BNC2: variants seen among roughly 807,000 people sequenced by gnomAD.
BNC2 encodes basonuclin zinc finger protein 2.
In BNC2, 20 loss-of-function variants were observed where a neutral mutation model predicts 76.3. That is an observed-to-expected ratio of 0.26 (90% CI 0.18 to 0.38). The LOEUF is 0.38. BNC2 is among the 10% of genes least tolerant of loss of function. BNC2 has a pLI of 1.00. For synonymous variants in BNC2, 582 were observed against 514.8 expected (o/e 1.13, Z -1.77); for missense variants, 1,382 against 1,399.8 (o/e 0.99, Z 0.20).
At chr9:16,629,001 G>A (rs1395929500) in intron 3 of BNC2, among the ~76,000 whole-genome samples, 2 of 152,068 alleles carry the variant, frequency 1.3e-5, no homozygotes, top group African/African-American at 2.4e-5. Flanking sequence ...TCTCAGGCTT[G>A]TTCTGCAAAA....
intron 1 of BNC2, among the ~76,000 whole-genome samples, chr9:16,781,396 G>A (rs1023953788): frequency 6.6e-6 from 1 of 152,220 alleles, no homozygotes; most frequent in African/African-American, 2.4e-5. Flanking sequence ...AGGCTGGAGT[G>A]CAGTGGCGCA....
At chr9:16,829,712 A>G (rs1818537083) in intron 1 of BNC2, among the ~76,000 whole-genome samples, 1 of 152,216 alleles carries the variant, frequency 6.6e-6, no homozygotes, top group African/African-American at 2.4e-5. Context: ...ATATTTGCTG[A>G]TCAAAATATT....
At chr9:16,796,355 A>C (rs151318738) in intron 1 of BNC2, among the ~76,000 whole-genome samples, 1 of 152,236 alleles carries the variant, frequency 6.6e-6, no homozygotes, top group Non-Finnish European at 1.5e-5. Context: ...ATGTCTTCTA[A>C]CTTAAAGCCC....
intron 1 of BNC2, among the ~76,000 whole-genome samples, chr9:16,781,407 A>G (rs1289244524): frequency 9.9e-5 from 15 of 152,138 alleles, no homozygotes; most frequent in East Asian, 1.9e-4. Flanking sequence ...CAGTGGCGCA[A>G]TCGTGGCTCA....
At position 16,415,373 on chromosome 9, in the gene BNC2, T is replaced by C. The variant is rs1820563998; in HGVS notation, c.*3616A>G. 1 of 152,632 alleles carries C rather than the reference T, an allele frequency of 6.6e-6. No homozygotes were observed. The highest frequency in any genetic ancestry group is 2.4e-5 in the African/African-American group (1 of 41,434). The allele number at this position is 152,632 out of a possible 1,614,324, so 9.5% of individuals were successfully genotyped here. A position where few individuals can be genotyped will look rare whatever the true frequency, so the allele number is the denominator to read the frequency against. On this transcript the variant is annotated 3_prime_UTR_variant, in exon 7 of 7. Transcript: ENST00000380672. ...GATCAAGACAGTACAAGTTTCAACA[T>C]CAGCTAGAGAACATGCACAGTCATA...
At chr9:16,870,149 C>T (rs962835273) in intron 1 of BNC2, among the ~76,000 whole-genome samples, 4 of 151,608 alleles carry the variant, frequency 2.6e-5, no homozygotes, top group African/African-American at 9.7e-5. Context: ...GGCGGCTGCG[C>T]CCCAGCGCAC....
At chr9:16,485,097 CAG>C (rs374851796) in intron 5 of BNC2, among the ~76,000 whole-genome samples, 8 of 118,510 alleles carry the variant, frequency 6.8e-5, no homozygotes, top group Non-Finnish European at 1.1e-4. Context: ...CACACACACA[CAG>C]AGACACACAC....
At chr9:16,793,860 G>GTTTTTTTTTT (rs377349585) in intron 1 of BNC2, among the ~76,000 whole-genome samples, 12 of 97,348 alleles carry the variant, frequency 1.2e-4, no homozygotes, top group Non-Finnish European at 1.7e-4. Context: ...TGTGGTTTTT[G>GTTTTTTTTTT]TTTTTTTGTT....
chr9:16,631,710 G>A (rs978901995), intron 3 of BNC2, among the ~76,000 whole-genome samples: 3 of 152,120 alleles, frequency 2.0e-5, no homozygotes, highest in Non-Finnish European at 4.4e-5. Context: ...AAAGCATCTT[G>A]ACATAAAAAC....
chr9:16,793,648 CTTTTTTTTTTTTTTTTT>C (rs71327860), intron 1 of BNC2, among the ~76,000 whole-genome samples: 1 of 55,778 alleles, frequency 1.8e-5, no homozygotes, highest in Non-Finnish European at 3.7e-5. Context: ...CCTTCCACAT[CTTTTTTTTTTTTTTTTT>C]TTTTTTTTTT....
intron 3 of BNC2, among the ~76,000 whole-genome samples, chr9:16,666,996 C>A (rs1312200689): frequency 6.6e-6 from 1 of 151,392 alleles, no homozygotes; most frequent in Admixed American, 6.6e-5. Context: ...AAATTTAAAA[C>A]CAATAAAGAA....
At chr9:16,437,990 A>C (rs1372914987) in intron 5 of BNC2, among the ~76,000 whole-genome samples, 2 of 152,358 alleles carry the variant, frequency 1.3e-5, no homozygotes, top group East Asian at 3.9e-4. Flanking sequence ...CTTCAACATA[A>C]GCAGACATGA....
At chr9:16,450,073 A>G (rs969092376) in intron 5 of BNC2, among the ~76,000 whole-genome samples, 4 of 152,216 alleles carry the variant, frequency 2.6e-5, no homozygotes, top group African/African-American at 9.7e-5. Context: ...AGAACAGATA[A>G]TGTAATAAAG....
intron 3 of BNC2, among the ~76,000 whole-genome samples, chr9:16,644,085 C>T (rs1262599114): frequency 1.3e-5 from 2 of 152,118 alleles, no homozygotes; most frequent in African/African-American, 4.8e-5. Flanking sequence ...CAAATGGTAA[C>T]CTACATCAAA....
At chr9:16,489,311 T>C (rs1243075334) in intron 5 of BNC2, among the ~76,000 whole-genome samples, 2 of 152,234 alleles carry the variant, frequency 1.3e-5, no homozygotes, top group Non-Finnish European at 2.9e-5. Context: ...AGGAAATCAA[T>C]TTTTAATTTA....
In BNC2 at chr9:16,515,992, C is replaced by T. The variant is rs149936202; in HGVS notation, c.669+36538G>A. 4.0e-5 allele frequency among the ~76,000 whole-genome samples: 6 copies of T among 151,326 alleles called. No individual in the cohort carries two copies. The East Asian group carries it at 1.2e-3, about 29-fold the overall frequency. On this transcript the variant is annotated intron_variant, in intron 5 of 6. Coordinates refer to ENST00000380672, the MANE Select transcript of BNC2 (RefSeq NM_017637.6). ...CACTACCATAAAAGGAAGAAGTCTT[C>T]TGCCAAAGATTGCAAACTGCAGTGA...
rs1820495667 is a variant in BNC2, at chr9:16,412,749, G to GAGAC, written c.*6239_*6240insGTCT. On this transcript the variant is annotated 3_prime_UTR_variant, in exon 7 of 7. Coordinates refer to ENST00000380672, the MANE Select transcript of BNC2 (RefSeq NM_017637.6). ...AGAGAGAGAGAGAGAGAGAGAGAGA[G>GAGAC]AGAGAGAGAGAGAGAGACTGACTGA... 2 of 135,616 alleles carry GAGAC rather than the reference G, an allele frequency of 1.5e-5. No homozygotes were observed. Among genetic ancestry groups the GAGAC allele is most frequent in the Admixed American group, 1.4e-4 (2 of 13,956 alleles). 8.4% of individuals were successfully genotyped at this position (135,616 alleles called of 1,614,324 possible).
At chr9:16,673,888 G>C (rs559193838) in intron 3 of BNC2, among the ~76,000 whole-genome samples, 1 of 152,278 alleles carries the variant, frequency 6.6e-6, no homozygotes, top group East Asian at 1.9e-4. Flanking sequence ...CTTAAAAAAT[G>C]AAGTGACTGT....
intron 1 of BNC2, among the ~76,000 whole-genome samples, chr9:16,839,851 T>TACCTACGTACAAACATGCATGC (rs1479687732): frequency 1.0e-3 from 157 of 152,324 alleles, no homozygotes; most frequent in Admixed American, 2.5e-3. Flanking sequence ...GTGGTGCATG[T>TACCTACGTACAAACATGCATGC]ACCTACGTAC....
Sources: allele counts gnomAD v4.1 joint callset (sites outside exome capture counted in the v4.1 genomes callset), GRCh38; gene constraint gnomAD v4.1.1; transcripts MANE v1.5; gene names NCBI Gene and HGNC (gene_info 2026-07-23, HGNC 2026-07-21).